The following STK32B variants were observed in gnomAD, a reference collection of about 807,000 sequenced individuals.
The protein encoded by STK32B is serine/threonine kinase 32B.
Under a neutral mutation model 52.6 loss-of-function variants are expected in STK32B, and 43 were observed. The ratio of observed to expected loss-of-function variants is 0.82; its 90% CI spans 0.64 to 1.05. The LOEUF (loss-of-function observed/expected upper bound fraction) is 1.05. Among genes scored for constraint, STK32B ranks in the 50% least tolerant of loss-of-function variants. The probability of loss-of-function intolerance (pLI) is 0.00; values close to 1 mark genes in which losing one functional copy is unlikely to be tolerated. For missense variants in STK32B, 621 were observed against 534.6 expected, an observed-to-expected ratio of 1.16 and a Z score of -1.59; for synonymous variants, 238 against 204.3, an observed-to-expected ratio of 1.17 and a Z score of -1.41.
chr4:5,445,874 G>T (rs1330839692), intron 6 of STK32B, among the ~76,000 whole-genome samples: 3 of 142,816 alleles, frequency 2.1e-5, no homozygotes, highest in Non-Finnish European at 3.1e-5. Flanking sequence ...TTTCTGTCTT[G>T]TGGATTTACT....
At chr4:5,124,826 G>T (rs1715264303) in intron 1 of STK32B, among the ~76,000 whole-genome samples, 1 of 152,148 alleles carries the variant, frequency 6.6e-6, no homozygotes, top group Non-Finnish European at 1.5e-5. Flanking sequence ...TCACCTACTG[G>T]GTCCTGTAGG....
At chr4:5,032,852 C>T in the STK32B span, among the ~76,000 whole-genome samples, 1 of 152,106 alleles carries the variant, frequency 6.6e-6, no homozygotes, top group East Asian at 1.9e-4. Flanking sequence ...CTTTAGAGGC[C>T]CAGTTTGATT....
chr4:5,192,631 A>G (rs1027032051), intron 3 of STK32B, among the ~76,000 whole-genome samples: 2 of 152,246 alleles, frequency 1.3e-5, no homozygotes, highest in African/African-American at 4.8e-5. Context: ...TATGGCATCC[A>G]ACGTGATGTT....
chr4:5,364,879 A>T (rs1178336535), intron 4 of STK32B, among the ~76,000 whole-genome samples: 1 of 151,484 alleles, frequency 6.6e-6, no homozygotes, highest in Non-Finnish European at 1.5e-5. Context: ...TGTTATTATT[A>T]TTAATTATTA....
At chr4:5,183,181 T>C (rs978755912) in intron 3 of STK32B, among the ~76,000 whole-genome samples, 13 of 152,016 alleles carry the variant, frequency 8.6e-5, no homozygotes, top group African/African-American at 2.7e-4. Context: ...TTTTGAAGCT[T>C]TAAAACCAGG....
At chr4:5,029,342 A>G in the STK32B span, among the ~76,000 whole-genome samples, 143,456 of 152,290 alleles carry the variant, frequency 0.94, 68,101 homozygotes, top group East Asian at 1. Context: ...GCAATCACAC[A>G]AACACTTTTA....
chr4:5,426,708 A>G (rs2109085276), intron 6 of STK32B, among the ~76,000 whole-genome samples: 1 of 150,040 alleles, frequency 6.7e-6, no homozygotes, highest in East Asian at 2.2e-4. Flanking sequence ...AAAAAAAAAA[A>G]AAAAAAGGAA....
chr4:5,446,053 A>C (rs529556463), intron 6 of STK32B, among the ~76,000 whole-genome samples: 4 of 152,154 alleles, frequency 2.6e-5, no homozygotes, highest in Admixed American at 6.5e-5. Flanking sequence ...CCCAGCAAAC[A>C]TACTCCACCA....
chr4:5,405,830 A>G (rs1737623826), intron 5 of STK32B, among the ~76,000 whole-genome samples: 1 of 152,152 alleles, frequency 6.6e-6, no homozygotes. Flanking sequence ...ACAATTAGAC[A>G]TGAGATTTGG....
rs555594779 is a variant in STK32B at position 5,431,865 on chromosome 4, A to C, written c.563-14808A>C. On this transcript the variant is annotated intron_variant, in intron 6 of 11. Transcript: ENST00000282908. ...ACTAGCCAAGAGCCAAAGAAATATA[A>C]ATTACCCCCCAAAGGATTAAGAGAG... Among the ~76,000 whole-genome samples, 9 of 152,268 alleles carry C rather than the reference A, an allele frequency of 5.9e-5. No homozygotes were observed. In the East Asian group the frequency reaches 1.7e-3, roughly 29 times the overall value.
intron 3 of STK32B, among the ~76,000 whole-genome samples, chr4:5,282,039 A>G (rs980071102): frequency 2.6e-5 from 4 of 152,122 alleles, no homozygotes; most frequent in Non-Finnish European, 1.5e-5. Context: ...ATATATGTAT[A>G]CAATATGGAA....
chr4:5,129,689 A>G (rs938024654), intron 1 of STK32B, among the ~76,000 whole-genome samples: 2 of 152,132 alleles, frequency 1.3e-5, no homozygotes, highest in Admixed American at 6.6e-5. Flanking sequence ...TTAGTACCTT[A>G]CCGCATTAAT....
rs1437584550 is a variant in STK32B, at chr4:5,051,603, G to A, written c.-261G>A. On this transcript the variant is annotated 5_prime_UTR_variant, in exon 1 of 12. Transcript: ENST00000282908. Reference sequence around the variant, plus strand: ...GGTTCCCGGGCGGGCACTGGAGTAAGGAGCTGCGAGCGCAGCCCGAGGCGG... The same window carrying A: ...GGTTCCCGGGCGGGCACTGGAGTAAAGAGCTGCGAGCGCAGCCCGAGGCGG... 1 of 489,480 alleles carries A rather than the reference G, an allele frequency of 2.0e-6. No homozygotes were observed. The highest frequency in any genetic ancestry group is 3.6e-6 in the Non-Finnish European group (1 of 281,228). 30.3% of individuals were successfully genotyped at this position (489,480 alleles called of 1,614,324 possible). A position where few individuals can be genotyped will look rare whatever the true frequency, so the allele number is the denominator to read the frequency against.
chr4:5,285,013 T>G (rs1560285737), intron 3 of STK32B, among the ~76,000 whole-genome samples: 2 of 147,542 alleles, frequency 1.4e-5, no homozygotes, highest in Non-Finnish European at 2.9e-5. Context: ...AAACAAATTG[T>G]TCATCTTATA....
At chr4:5,207,705 C>A (rs1309019793) in intron 3 of STK32B, among the ~76,000 whole-genome samples, 3 of 151,460 alleles carry the variant, frequency 2.0e-5, no homozygotes, top group African/African-American at 7.3e-5. Flanking sequence ...AATGCTCCAG[C>A]ATTTTTTTTC....
At chr4:5,252,878 G>A (rs576928302) in intron 3 of STK32B, among the ~76,000 whole-genome samples, 1 of 151,980 alleles carries the variant, frequency 6.6e-6, no homozygotes, top group African/African-American at 2.4e-5. Context: ...ATTGAGTAAG[G>A]GCTGAGTATG....
chr4:5,065,045 G>A (rs954623833), intron 1 of STK32B, among the ~76,000 whole-genome samples: 5 of 151,588 alleles, frequency 3.3e-5, no homozygotes, highest in East Asian at 1.9e-4. Flanking sequence ...CACTTGCAAC[G>A]AAGCCTGGAG....
intron 6 of STK32B, among the ~76,000 whole-genome samples, chr4:5,440,132 TCTGTGA>T (rs1408681860): frequency 2.0e-5 from 3 of 152,160 alleles, no homozygotes; most frequent in Non-Finnish European, 4.4e-5. Flanking sequence ...TTTTTCCAAT[TCTGTGA>T]AGAAAGTCTT....
chr4:5,182,970 A>G lies in STK32B; in HGVS notation c.260+14520A>G, dbSNP rs1381605278. On this transcript the variant is annotated intron_variant, in intron 3 of 11. Coordinates refer to ENST00000282908, the MANE Select transcript of STK32B (RefSeq NM_018401.3). Reference sequence around the variant, plus strand: ...TCTGAGCAGTAGTATTGTTTTCTCAATAGTGAGCTTAAAATATTTAGAAAA... The same window carrying G: ...TCTGAGCAGTAGTATTGTTTTCTCAGTAGTGAGCTTAAAATATTTAGAAAA... Among the ~76,000 whole-genome samples, 7 of 152,204 alleles carry G rather than the reference A, an allele frequency of 4.6e-5. No individual in the cohort carries two copies. In the South Asian group the frequency reaches 1.2e-3, roughly 27 times the overall value.
Sources: allele counts gnomAD v4.1 joint callset (sites outside exome capture counted in the v4.1 genomes callset), GRCh38; gene constraint gnomAD v4.1.1; transcripts MANE v1.5; gene names NCBI Gene and HGNC (gene_info 2026-07-23, HGNC 2026-07-21).